Variants in EMX1 observed in about 807,000 individuals in gnomAD.
EMX1 encodes the protein empty spiracles homeobox 1.
In EMX1, 10 loss-of-function variants were observed where a neutral mutation model predicts 20.1. The observed-to-expected ratio is 0.50, with a 90% confidence interval of 0.31 to 0.84. EMX1 has a LOEUF of 0.84. Ranked by LOEUF, EMX1 falls within the 40% of genes least tolerant of loss-of-function variation. The probability of loss-of-function intolerance (pLI) is 0.05; values close to 1 mark genes in which losing one functional copy is unlikely to be tolerated. For missense variants in EMX1, 424 were observed against 431.9 expected, an observed-to-expected ratio of 0.98 and a Z score of 0.16; for synonymous variants, 250 against 200.4, an observed-to-expected ratio of 1.25 and a Z score of -2.09.
intron 1 of EMX1, among the ~76,000 whole-genome samples, chr2:72,918,868 G>A (rs1419956970): frequency 6.6e-6 from 1 of 152,250 alleles, no homozygotes; most frequent in East Asian, 1.9e-4. Flanking sequence ...GGGCAGCAGG[G>A]AGGGCGAATC....
intron 1 of EMX1, among the ~76,000 whole-genome samples, chr2:72,921,468 C>T (rs1411332994): frequency 6.6e-6 from 1 of 152,184 alleles, no homozygotes; most frequent in African/African-American, 2.4e-5. Flanking sequence ...GGCCTCCTTC[C>T]CACAGGTCGG....
At chr2:72,920,731 C>T (rs1022105728) in intron 1 of EMX1, among the ~76,000 whole-genome samples, 1 of 152,360 alleles carries the variant, frequency 6.6e-6, no homozygotes. Flanking sequence ...AACCGAGGCG[C>T]TGGAAGGGGA....
Position 72,924,326 on chromosome 2 carries a change from G to A in EMX1, c.538G>A (p.Asp180Asn), listed in dbSNP as rs765817538. The change falls in exon 2 of 3, where the codon GAC becomes AAC. Residue 180 changes from aspartate (D) to asparagine (N), a missense_variant. Asp to Asn is a conservative substitution (Grantham distance 23). Around this residue, in one of 2 missense-constraint regions of EMX1, gnomAD observed 333 missense variants for 296.6 expected, o/e 1.12. Coordinates refer to ENST00000258106, the MANE Select transcript of EMX1 (RefSeq NM_004097.3). Reference sequence around the variant, plus strand: ...GGCCGCAGCCAGCGACGTGCCCCAGGACGGGCTGCTTCTGCACGGCCCCTT... The same window carrying A: ...GGCCGCAGCCAGCGACGTGCCCCAGAACGGGCTGCTTCTGCACGGCCCCTT... ...HRFQASDVPQDGLLLHGPFAR... is the reference protein window; with the variant it reads ...HRFQASDVPQNGLLLHGPFAR... 274 of 1,572,416 alleles carry A rather than the reference G, an allele frequency of 1.7e-4. 1 individual carries two copies. Among genetic ancestry groups the A allele is most frequent in the Admixed American group, 2.4e-4 (13 of 53,886 alleles).
upstream of EMX1, chr2:72,916,637 G>C (rs1400194006): frequency 5.7e-6 from 4 of 700,984 alleles, no homozygotes; most frequent in Non-Finnish European, 5.3e-6. Flanking sequence ...GGTCGAGGGA[G>C]GTCAGGCTGC....
chr2:72,917,731 C>A lies in EMX1; in HGVS notation c.-122C>A, dbSNP rs1670992932. ...GCAGCAGCCGCCGCGCCTGGCCGTA[C>A]GCTGTGGCCGGACCCCGCGGTCGCT... On this transcript the variant is annotated 5_prime_UTR_variant, in exon 1 of 3. Transcript: ENST00000258106. 1 of 964,808 alleles carries A rather than the reference C, an allele frequency of 1.0e-6. No homozygotes were observed. Among genetic ancestry groups the A allele is most frequent in the Non-Finnish European group, 1.3e-6 (1 of 758,790 alleles). 59.8% of individuals were successfully genotyped at this position (964,808 alleles called of 1,614,324 possible). A position where few individuals can be genotyped will look rare whatever the true frequency, so the allele number is the denominator to read the frequency against.
rs1671322705 is a variant in EMX1 at position 72,933,840 on chromosome 2, G to A, written c.759G>A (p.Glu253=). 3 of 1,614,142 alleles carry A rather than the reference G, an allele frequency of 1.9e-6. No individual in the cohort carries two copies. In the Admixed American group the frequency reaches 5.0e-5, roughly 27 times the overall value. Residue 253 remains glutamate (E), a synonymous_variant, in exon 3 of 3, where the codon GAG becomes GAA. Transcript: ENST00000258106. ...CAAAGTACAAACGGCAGAAGCTGGAGGAGGAAGGGCCTGAGTCCGAGCAGA... is the reference window on the plus strand; with the variant it reads ...CAAAGTACAAACGGCAGAAGCTGGAAGAGGAAGGGCCTGAGTCCGAGCAGA... ...RRTKYKRQKL[E]EEGPESEQKK...
In EMX1 at chr2:72,918,452, C is replaced by T; in HGVS notation, c.520+80C>T. 4 of 1,343,506 alleles carry T rather than the reference C, an allele frequency of 3.0e-6. No individual in the cohort carries two copies. In the South Asian group the frequency reaches 5.5e-5, roughly 19 times the overall value. 83.2% of individuals were successfully genotyped at this position (1,343,506 alleles called of 1,614,324 possible). On this transcript the variant is annotated intron_variant, in intron 1 of 2. Coordinates refer to ENST00000258106, the MANE Select transcript of EMX1 (RefSeq NM_004097.3). The stretch of plus-strand genomic sequence containing the variant: ...GATGCGGGGGAGGCTCGGGGGCGCG[C>T]GGGGCTGTTTAGAAGTTACTGCCGG...
At chr2:72,917,515 C>T (rs1335368099), upstream of EMX1, 4 of 186,126 alleles carry the variant, frequency 2.1e-5, no homozygotes, top group African/African-American at 7.1e-5. Flanking sequence ...GGCAGGTGCC[C>T]GCTAACTCGC....
chr2:72,930,616 G>A lies in EMX1; in HGVS notation c.706-3171G>A, dbSNP rs1187645875. 2.6e-5 allele frequency among the ~76,000 whole-genome samples: 4 copies of A among 152,124 alleles called. No individual in the cohort carries two copies. Among genetic ancestry groups the A allele is most frequent in the Non-Finnish European group, 5.9e-5 (4 of 68,036 alleles). ...AGGTGAGTAGTGTGTTTGTGTTGGG[G>A]ATGGGGAGGCATGTGCAGGACAGAT... is the stretch of plus-strand genomic sequence containing the variant. On this transcript the variant is annotated intron_variant, in intron 2 of 2. Transcript: ENST00000258106. This position sits in a 1 kb window ranked among gnomAD's most constrained non-coding sequence, Gnocchi z 4.4.
At position 72,918,392 on chromosome 2, in the gene EMX1, C is replaced by T. The variant is rs1307525040; in HGVS notation, c.520+20C>T. 8 of 1,367,086 alleles carry T rather than the reference C, an allele frequency of 5.9e-6. No individual in the cohort carries two copies. The highest frequency in any genetic ancestry group is 3.4e-5 in the South Asian group (2 of 58,384). 84.7% of individuals were successfully genotyped at this position (1,367,086 alleles called of 1,614,324 possible). A position where few individuals can be genotyped will look rare whatever the true frequency, so the allele number is the denominator to read the frequency against. ...TCCAGGGTGAGTGTCCACGCTGTGC[C>T]CGCCGAGGCGGCCGGCCGGCGCCCG... On this transcript the variant is annotated intron_variant, in intron 1 of 2. Coordinates refer to ENST00000258106, the MANE Select transcript of EMX1 (RefSeq NM_004097.3).
intron 2 of EMX1, 35 bp downstream of exon 2, chr2:72,924,528 G>A (rs768456022): frequency 6.6e-7 from 1 of 1,521,740 alleles, no homozygotes; most frequent in South Asian, 1.3e-5. Flanking sequence ...CCCTGCGCCC[G>A]GAGCCCGGGT....
rs1201225178 is a variant in EMX1, at chr2:72,918,124, C to G, written c.272C>G (p.Ala91Gly). Reference sequence around the variant, plus strand: ...CTCAACTACCCTCACCCCAGCGCGGCCGAGGCGGCCTTCGTGAGTGGCTTC... The same window carrying G: ...CTCAACTACCCTCACCCCAGCGCGGGCGAGGCGGCCTTCGTGAGTGGCTTC... Reference protein sequence around the residue: ...TALNYPHPSAAEAAFVSGFPA... With the variant: ...TALNYPHPSAGEAAFVSGFPA... The change falls in exon 1 of 3, where the codon GCC (alanine) becomes GGC (glycine). Residue 91 changes from alanine (A) to glycine (G), a missense_variant. Physicochemically the swap from Ala to Gly is moderately conservative, Grantham distance 60. Around this residue, in one of 2 missense-constraint regions of EMX1, gnomAD observed 333 missense variants for 296.6 expected, o/e 1.12. Coordinates refer to ENST00000258106, the MANE Select transcript of EMX1 (RefSeq NM_004097.3). 1.3e-6 allele frequency: 2 copies of G among 1,483,420 alleles called. No homozygotes were observed. 91.9% of individuals were successfully genotyped at this position (1,483,420 alleles called of 1,614,324 possible).
chr2:72,917,335 CGAG>C, upstream of EMX1: 1 of 405,390 alleles, frequency 2.5e-6, no homozygotes, highest in East Asian at 4.2e-5. Context: ...GGCGGAGTCG[CGAG>C]GAGAAGCCAG....
rs1031902906 is a variant in EMX1, at chr2:72,930,281, T to C, written c.706-3506T>C. 1.3e-5 allele frequency among the ~76,000 whole-genome samples: 2 copies of C among 152,178 alleles called. No individual in the cohort carries two copies. Among genetic ancestry groups the C allele is most frequent in the African/African-American group, 4.8e-5 (2 of 41,446 alleles). ...AGGAGGCAGACGTAAATAAATAAAT[T>C]AGTGCACAGTGGGGGTCACTGTTAC... On this transcript the variant is annotated intron_variant, in intron 2 of 2. Transcript: ENST00000258106. The surrounding 1 kb of genome is among the most constrained non-coding windows in gnomAD (Gnocchi z 4.4).
At chr2:72,922,291 C>G (rs1289424319) in intron 1 of EMX1, among the ~76,000 whole-genome samples, 3 of 152,242 alleles carry the variant, frequency 2.0e-5, no homozygotes, top group African/African-American at 7.2e-5. Flanking sequence ...CCACCTTTCC[C>G]TGGCCTACCT....
intron 2 of EMX1, chr2:72,933,529 G>T: frequency 2.0e-6 from 1 of 508,360 alleles, no homozygotes. Context: ...GCAGCTCTGT[G>T]ACCCTTTGTT....
At chr2:72,924,115 C>CGG (rs1173013092) in intron 1 of EMX1, 194 bp from the exon 2 acceptor site, 2 of 669,686 alleles carry the variant, frequency 3.0e-6, no homozygotes, top group East Asian at 5.5e-5. Flanking sequence ...GGAGGTGTTG[C>CGG]GGAGGGGAGT....
intron 1 of EMX1, among the ~76,000 whole-genome samples, chr2:72,922,043 GC>G (rs1167731555): frequency 2.6e-5 from 4 of 152,182 alleles, no homozygotes; most frequent in African/African-American, 9.7e-5. Flanking sequence ...TCACACCTCT[GC>G]CTCCTATTCA....
Position 72,934,023 on chromosome 2 carries a change from A to C in EMX1, c.*69A>C. ...CTGGCCAGGCCCCTGCGTGGGCCCA[A>C]GCTGGACTCTGGCCACTCCCTGGCC... On this transcript the variant is annotated 3_prime_UTR_variant, in exon 3 of 3. Transcript: ENST00000258106. 19 of 1,587,534 alleles carry C rather than the reference A, an allele frequency of 1.2e-5. No homozygotes were observed. Among genetic ancestry groups the C allele is most frequent in the Non-Finnish European group, 1.6e-5 (19 of 1,165,236 alleles).
Sources: allele counts gnomAD v4.1 joint callset (sites outside exome capture counted in the v4.1 genomes callset), GRCh38; gene constraint gnomAD v4.1.1; regional missense constraint gnomAD v4.1.1; non-coding constraint Gnocchi (gnomAD v3.1); transcripts MANE v1.5; gene names NCBI Gene and HGNC (gene_info 2026-07-23, HGNC 2026-07-21).